Variants in DRC1 observed in about 807,000 individuals in gnomAD.
DRC1 encodes dynein regulatory complex subunit 1.
Under a neutral mutation model 98.7 loss-of-function variants are expected in DRC1, and 74 were observed. That is an observed-to-expected ratio of 0.75 (90% CI 0.62 to 0.91). The LOEUF (loss-of-function observed/expected upper bound fraction) is 0.91. DRC1 is among the 40% of genes least tolerant of loss of function. The pLI is 0.00. For missense variants in DRC1, 875 were observed against 886.0 expected (o/e 0.99, Z 0.16); for synonymous variants, 336 against 334.1 (o/e 1.01, Z -0.06).
Position 26,456,441 on chromosome 2 carries a change from T to G in DRC1, c.2167-20T>G, listed in dbSNP as rs1344338151. On this transcript the variant is annotated intron_variant, in intron 16 of 16. Transcript: ENST00000288710. ...AGGGCCCTGGGAAAAATGTAACGAC[T>G]TTCACCCTTTCTTTTCCAGATCAAC... 6.2e-7 allele frequency: 1 copy of G among 1,614,048 alleles called. No individual in the cohort carries two copies. The highest frequency in any genetic ancestry group is 2.2e-5 in the East Asian group (1 of 44,866).
chr2:26,453,642 T>G (rs1572388005), intron 14 of DRC1, 93 bp downstream of exon 14: 1 of 1,300,554 alleles, frequency 7.7e-7, no homozygotes. Flanking sequence ...TGGAGAAGAG[T>G]CTGCTGGGCA....
chr2:26,421,506 C>T, intron 3 of DRC1, 106 bp downstream of exon 3: 1 of 691,418 alleles, frequency 1.4e-6, no homozygotes, highest in East Asian at 3.2e-5. Context: ...TTAGACAATT[C>T]CCTTCCTGCC....
At chr2:26,439,126 C>T (rs1663648018) in intron 7 of DRC1, among the ~76,000 whole-genome samples, 1 of 152,166 alleles carries the variant, frequency 6.6e-6, no homozygotes, top group Admixed American at 6.5e-5. Context: ...TTTCCTCGTG[C>T]CTCACATCTA....
At chr2:26,404,697 G>A (rs1361587138) in intron 1 of DRC1, among the ~76,000 whole-genome samples, 1 of 152,174 alleles carries the variant, frequency 6.6e-6, no homozygotes, top group African/African-American at 2.4e-5. Flanking sequence ...TGTCCTTTTG[G>A]CCTTCCCCAC....
intron 12 of DRC1, among the ~76,000 whole-genome samples, chr2:26,450,297 G>A (rs1049518630): frequency 6.6e-6 from 1 of 152,160 alleles, no homozygotes; most frequent in Non-Finnish European, 1.5e-5. Context: ...TCCTCTACTA[G>A]CATCTTCCTC....
chr2:26,444,076 T>G, intron 8 of DRC1, 146 bp from the exon 9 acceptor site: 2 of 1,130,214 alleles, frequency 1.8e-6, no homozygotes, highest in Non-Finnish European at 2.5e-6. Context: ...CAAAATGGGA[T>G]CTGTGTTTTG....
chr2:26,443,357 T>C (rs753134798), intron 8 of DRC1, among the ~76,000 whole-genome samples: 2 of 152,194 alleles, frequency 1.3e-5, no homozygotes, highest in Admixed American at 1.3e-4. Context: ...CGAGTTTCCA[T>C]GCACAGAGCT....
At position 26,454,800 on chromosome 2, in the gene DRC1, C is replaced by A; in HGVS notation, c.2063+10C>A. On this transcript the variant is annotated intron_variant, in intron 15 of 16. Coordinates refer to ENST00000288710, the MANE Select transcript of DRC1 (RefSeq NM_145038.5). The surrounding 1 kb of genome is among the most constrained non-coding windows in gnomAD (Gnocchi z 5.2). Reference sequence around the variant, plus strand: ...CCTTGGAGAAGTACCAGTAAGTGTGCATGTCATGGAGCAGGAGGGTGCTGG... The same window carrying A: ...CCTTGGAGAAGTACCAGTAAGTGTGAATGTCATGGAGCAGGAGGGTGCTGG... The A allele has an allele frequency of 6.2e-7, 1 of 1,613,958 alleles. No individual in the cohort carries two copies. The highest frequency in any genetic ancestry group is 1.1e-5 in the South Asian group (1 of 91,074).
chr2:26,432,096 T>C, intron 7 of DRC1, 90 bp downstream of exon 7: 1 of 1,498,446 alleles, frequency 6.7e-7, no homozygotes. Flanking sequence ...CTACCTGTGA[T>C]ATTCTAGAGG....
At chr2:26,415,150 A>C (rs1194860246) in intron 2 of DRC1, among the ~76,000 whole-genome samples, 1 of 152,190 alleles carries the variant, frequency 6.6e-6, no homozygotes, top group Non-Finnish European at 1.5e-5. Context: ...TACTCAGTAG[A>C]CACAAAAAAG....
At chr2:26,412,955 T>C (rs1678667347) in intron 1 of DRC1, among the ~76,000 whole-genome samples, 1 of 152,166 alleles carries the variant, frequency 6.6e-6, no homozygotes, top group African/African-American at 2.4e-5. Flanking sequence ...GCTAATTTTT[T>C]GTATTTTTAG....
At chr2:26,417,714 A>G (rs1678855884) in intron 2 of DRC1, among the ~76,000 whole-genome samples, 1 of 152,216 alleles carries the variant, frequency 6.6e-6, no homozygotes, top group African/African-American at 2.4e-5. Flanking sequence ...AATTGATTGA[A>G]TAGAATTTAT....
chr2:26,432,075 A>C (rs892732687), intron 7 of DRC1, 69 bp downstream of exon 7: 1 of 1,552,184 alleles, frequency 6.4e-7, no homozygotes, highest in South Asian at 1.2e-5. Context: ...TGAATGTTTC[A>C]TATTTAGCAA....
intron 10 of DRC1, among the ~76,000 whole-genome samples, chr2:26,446,605 A>G (rs1663858917): frequency 6.6e-6 from 1 of 152,180 alleles, no homozygotes; most frequent in African/African-American, 2.4e-5. Context: ...TTCCAACTTT[A>G]AAATCTTAGT....
chr2:26,448,571 C>A, intron 10 of DRC1, 120 bp from the exon 11 acceptor site: 2 of 1,028,896 alleles, frequency 1.9e-6, no homozygotes, highest in Non-Finnish European at 1.5e-6. Flanking sequence ...GAATGCCTCA[C>A]AGAGGCTTTT....
At chr2:26,451,505 A>G (rs1664006523) in intron 13 of DRC1, among the ~76,000 whole-genome samples, 1 of 152,232 alleles carries the variant, frequency 6.6e-6, no homozygotes. Context: ...GAGTATCCTG[A>G]CATGCCTGTA....
intron 11 of DRC1, 100 bp from the exon 12 acceptor site, chr2:26,449,896 G>C (rs1233561150): frequency 1.9e-6 from 2 of 1,065,760 alleles, no homozygotes; most frequent in Non-Finnish European, 2.7e-6. Context: ...TCTGCTCCGT[G>C]GCATGGTCCC....
chr2:26,444,826 C>T lies in DRC1; in HGVS notation c.1274C>T (p.Thr425Ile), dbSNP rs1353239823. 5 of 1,614,194 alleles carry T rather than the reference C, an allele frequency of 3.1e-6. No homozygotes were observed. In the East Asian group the frequency reaches 1.1e-4, roughly 36 times the overall value. Residue 425 changes from threonine (T) to isoleucine (I), a missense_variant, in exon 10 of 17, where the codon ACC (threonine) becomes ATC (isoleucine). Thr to Ile is a moderately conservative substitution (Grantham distance 89). Transcript: ENST00000288710. ...TTTGATGTGGACAGGATCATCCACA[C>T]CCATCATCTGGGGCTTCCCTGGGCA... is the stretch of plus-strand genomic sequence containing the variant. ...RAFDVDRIIH[T>I]HHLGLPWAAP...
At chr2:26,410,290 A>G (rs897648793) in intron 1 of DRC1, among the ~76,000 whole-genome samples, 9 of 147,488 alleles carry the variant, frequency 6.1e-5, no homozygotes, top group African/African-American at 2.2e-4. Flanking sequence ...ATTAATTTTG[A>G]TACGGAGTTT....
Sources: allele counts gnomAD v4.1 joint callset (sites outside exome capture counted in the v4.1 genomes callset), GRCh38; gene constraint gnomAD v4.1.1; non-coding constraint Gnocchi (gnomAD v3.1); transcripts MANE v1.5; gene names NCBI Gene and HGNC (gene_info 2026-07-23, HGNC 2026-07-21).